The following CRYBG1 variants were observed in gnomAD, a reference collection of about 807,000 sequenced individuals.
CRYBG1 encodes the protein beta/gamma crystallin domain-containing protein 1.
In CRYBG1, 139 loss-of-function variants were observed where a neutral mutation model predicts 189.2. That is an observed-to-expected ratio of 0.73 (90% CI 0.64 to 0.85). The LOEUF (loss-of-function observed/expected upper bound fraction) is 0.85, where lower values mean the gene tolerates loss of function less well. Ranked by LOEUF, CRYBG1 falls within the 40% of genes least tolerant of loss-of-function variation. The pLI, the probability that CRYBG1 is intolerant of heterozygous loss-of-function variation, is 0.00. For synonymous variants in CRYBG1, 1,023 were observed against 1,017.1 expected, an observed-to-expected ratio of 1.01 and a Z score of -0.11; for missense variants, 2,611 against 2,675.8, an observed-to-expected ratio of 0.98 and a Z score of 0.53.
intron 1 of CRYBG1, among the ~76,000 whole-genome samples, chr6:106,377,621 T>TATATA (rs1419204336): frequency 1.4e-5 from 1 of 69,454 alleles, no homozygotes; most frequent in African/African-American, 3.6e-5. Flanking sequence ...TCCTAAGGTT[T>TATATA]TATATATATA....
chr6:106,397,220 A>G (rs1770630648), intron 1 of CRYBG1, among the ~76,000 whole-genome samples: 1 of 152,230 alleles, frequency 6.6e-6, no homozygotes, highest in Non-Finnish European at 1.5e-5. Context: ...GATTACCGCA[A>G]TCAAACATAT....
At position 106,512,188 on chromosome 6, in the gene CRYBG1, C is replaced by G; in HGVS notation, c.1071C>G (p.Ser357=). The change falls in exon 3 of 22, where the codon TCC becomes TCG. Residue 357 remains serine, a synonymous_variant. Transcript: ENST00000633556. ...AGGGCGCAGCGCACACGGCCAGCTC[C>G]GCGCAGGCAGACTGCACAGCCCGCC... ...PAEGAAHTAS[S]AQADCTARPK... 6.5e-7 allele frequency: 1 copy of G among 1,535,432 alleles called. No individual in the cohort carries two copies. The highest frequency in any genetic ancestry group is 8.7e-7 in the Non-Finnish European group (1 of 1,146,426).
In CRYBG1 at chr6:106,563,923, A is replaced by G. The variant is rs771155198; in HGVS notation, c.6298A>G (p.Lys2100Glu). Residue 2100 changes from lysine to glutamate, a missense_variant, in exon 21 of 22, where the codon AAA becomes GAA. By Grantham distance (56) the Lys-to-Glu change is moderately conservative (BLOSUM62 1). Around this residue, in one of 3 missense-constraint regions of CRYBG1, gnomAD observed 1,622 missense variants for 1,735.0 expected, o/e 0.93. Transcript: ENST00000633556. ...KLKPNLVLDI[K>E]GGTQYDQNHI... ...GAAGCCAAATTTAGTTTTAGACATT[A>G]AAGGTAAGGGTCACTTCCTTTATTT... The G allele has an allele frequency of 1.2e-5, 19 of 1,607,254 alleles. No individual in the cohort carries two copies. The highest frequency in any genetic ancestry group is 1.6e-5 in the Non-Finnish European group (19 of 1,174,056).
At chr6:106,436,295 C>CTTT (rs56333625) in intron 1 of CRYBG1, among the ~76,000 whole-genome samples, 11 of 139,738 alleles carry the variant, frequency 7.9e-5, no homozygotes, top group Non-Finnish European at 9.4e-5. Context: ...CATGCAATCT[C>CTTT]TTTTTTTTTT....
rs138726374 is a variant in CRYBG1 at position 106,371,640 on chromosome 6, C to T, written c.173+10559C>T. Among the ~76,000 whole-genome samples the T allele has an allele frequency of 5.6e-3, 857 of 152,274 alleles. 6 individuals carry two copies. Among genetic ancestry groups the T allele is most frequent in the African/African-American group, 0.019 (792 of 41,552 alleles). ...ATCAGGAGTCCTTCATTGGAACATA[C>T]GTAGGGTTTGAAACAAGAGCACTTG... On this transcript the variant is annotated intron_variant, in intron 1 of 21. Transcript: ENST00000633556.
chr6:106,556,010 A>G (rs1378851049), intron 17 of CRYBG1, 113 bp downstream of exon 17: 44 of 1,198,286 alleles, frequency 3.7e-5, no homozygotes, highest in Non-Finnish European at 5.0e-5. Flanking sequence ...AAGGGCTTGG[A>G]GATGGAACTG....
At chr6:106,385,933 T>A (rs1770380036) in intron 1 of CRYBG1, among the ~76,000 whole-genome samples, 1 of 152,154 alleles carries the variant, frequency 6.6e-6, no homozygotes, top group African/African-American at 2.4e-5. Flanking sequence ...CATTTGATGA[T>A]GTGATGGCCT....
At chr6:106,363,921 G>GTCGTCATCATCA (rs1554229602) in intron 1 of CRYBG1, among the ~76,000 whole-genome samples, 116 of 151,900 alleles carry the variant, frequency 7.6e-4, no homozygotes, top group Non-Finnish European at 1.4e-3. Context: ...AAGCATCCTG[G>GTCGTCATCATCA]TCATCATCAT....
Position 106,566,167 on chromosome 6 carries a change from G to GAAAAAAAAAAA in CRYBG1, c.6301+2247_6301+2257dup, listed in dbSNP as rs34366986. ...TGCTAGACACGGAGGGCACCAGCGT[G>GAAAAAAAAAAA]AAAAAAAAAAAAAAAAGCCTCCTCC... On this transcript the variant is annotated intron_variant, in intron 21 of 21. Coordinates refer to ENST00000633556, the MANE Select transcript of CRYBG1 (RefSeq NM_001371242.2). 1.6e-5 allele frequency among the ~76,000 whole-genome samples: 2 copies of GAAAAAAAAAAA among 123,914 alleles called. 1 individual carries two copies. The highest frequency in any genetic ancestry group is 5.9e-5 in the African/African-American group (2 of 33,928). The allele number at this position is 123,914 out of a possible 152,430, so 81.3% of individuals were successfully genotyped here. A position where few individuals can be genotyped will look rare whatever the true frequency, so the allele number is the denominator to read the frequency against.
chr6:106,512,746 G>A lies in CRYBG1; in HGVS notation c.1629G>A (p.Lys543=). 1 of 1,571,766 alleles carries A rather than the reference G, an allele frequency of 6.4e-7. No homozygotes were observed. Among genetic ancestry groups the A allele is most frequent in the Non-Finnish European group, 8.6e-7 (1 of 1,158,888 alleles). ...CTCCCGCCAAGGAGTCCCCACCCAA[G>A]AGGGTGCCCGATCCCAGCCCAGTCA... ...PRAPAKESPP[K]RVPDPSPVTK... The change falls in exon 3 of 22, where the codon AAG becomes AAA. Residue 543 remains lysine (K), a synonymous_variant. Transcript: ENST00000633556.
chr6:106,517,455 T>TATATACACAC (rs1562099269), intron 3 of CRYBG1, among the ~76,000 whole-genome samples: 5 of 133,962 alleles, frequency 3.7e-5, no homozygotes, highest in African/African-American at 1.4e-4. Context: ...TATACACACA[T>TATATACACAC]ATATATATAC....
At chr6:106,544,523 T>C (rs757528132) in intron 11 of CRYBG1, 48 bp from the exon 12 acceptor site, 2 of 1,594,662 alleles carry the variant, frequency 1.3e-6, no homozygotes, top group South Asian at 1.1e-5. Flanking sequence ...CTTGAAAAAA[T>C]GTTAACATGT....
In CRYBG1 at chr6:106,511,872, C is replaced by T. The variant is rs757805942; in HGVS notation, c.755C>T (p.Ala252Val). 1.3e-5 allele frequency: 20 copies of T among 1,518,526 alleles called. No homozygotes were observed. Among genetic ancestry groups the T allele is most frequent in the East Asian group, 7.4e-5 (3 of 40,600 alleles). The allele number at this position is 1,518,526 out of a possible 1,614,324, so 94.1% of individuals were successfully genotyped here. A position where few individuals can be genotyped will look rare whatever the true frequency, so the allele number is the denominator to read the frequency against. The change falls in exon 3 of 22, where the codon GCC becomes GTC. Residue 252 changes from alanine to valine, a missense_variant. By Grantham distance (64) the Ala-to-Val change is moderately conservative (BLOSUM62 0). Around this residue, in one of 3 missense-constraint regions of CRYBG1, gnomAD observed 985 missense variants for 924.4 expected, o/e 1.07. Transcript: ENST00000633556. Reference sequence around the variant, plus strand: ...CCTTTCCCAGATGCCACCACCACTGCCAAGCAGCTGCATTCCTCGCCGGGA... The same window carrying T: ...CCTTTCCCAGATGCCACCACCACTGTCAAGCAGCTGCATTCCTCGCCGGGA... The part of the protein sequence containing the change: ...GEPFPDATTT[A>V]KQLHSSPGNS...
intron 1 of CRYBG1, among the ~76,000 whole-genome samples, chr6:106,412,718 C>T (rs1490042905): frequency 1.3e-5 from 2 of 152,124 alleles, no homozygotes; most frequent in Admixed American, 1.3e-4. Context: ...AACATTAAAA[C>T]AAAGAAAATA....
At chr6:106,517,743 G>A in intron 3 of CRYBG1, among the ~76,000 whole-genome samples, 1 of 151,990 alleles carries the variant, frequency 6.6e-6, no homozygotes. Context: ...TTTTTTTAAA[G>A]ATGAAGAAGT....
chr6:106,445,830 T>A (rs1189673542), intron 1 of CRYBG1, among the ~76,000 whole-genome samples: 1 of 152,232 alleles, frequency 6.6e-6, no homozygotes, highest in Non-Finnish European at 1.5e-5. Flanking sequence ...AAGACAACAC[T>A]GCTTCTGAAG....
intron 2 of CRYBG1, among the ~76,000 whole-genome samples, chr6:106,483,713 A>G (rs1772528343): frequency 6.6e-6 from 1 of 152,150 alleles, no homozygotes; most frequent in Admixed American, 6.6e-5. Context: ...AGCCATTCCA[A>G]CTGGAATAAG....
chr6:106,452,446 C>T (rs1771804144), intron 2 of CRYBG1, among the ~76,000 whole-genome samples: 1 of 149,768 alleles, frequency 6.7e-6, no homozygotes, highest in African/African-American at 2.5e-5. Context: ...AAAGAATGAG[C>T]TTAATAAATG....
intron 4 of CRYBG1, 44 bp downstream of exon 4, chr6:106,521,497 C>G (rs1773611257): frequency 6.6e-7 from 1 of 1,508,594 alleles, no homozygotes; most frequent in African/African-American, 1.4e-5. Context: ...ATTTTTAAAG[C>G]AAGGGAAGAG....
Sources: gnomAD v4.1 joint callset for allele counts (sites outside exome capture counted in the v4.1 genomes callset) on GRCh38, gnomAD v4.1.1 for gene constraint, gnomAD v4.1.1 regional missense constraint, MANE v1.5 for transcripts, NCBI Gene and HGNC (gene_info 2026-07-23, HGNC 2026-07-21) for gene names.